ASCC3: variants seen among roughly 807,000 people sequenced by gnomAD.
ASCC3 encodes the protein ASC-1 complex subunit P200.
ASCC3 carries 158 observed loss-of-function variants against 256.3 expected under a neutral mutation model. The ratio of observed to expected loss-of-function variants is 0.62; its 90% CI spans 0.54 to 0.70. The LOEUF (loss-of-function observed/expected upper bound fraction) is 0.70, where lower values mean the gene tolerates loss of function less well. Among genes scored for constraint, ASCC3 ranks in the 30% least tolerant of loss-of-function variants. ASCC3 has a pLI of 0.00. For synonymous variants in ASCC3, 948 were observed against 883.4 expected (o/e 1.07, Z -1.30); for missense variants, 2,259 against 2,626.0 (o/e 0.86, Z 3.05).
At chr6:100,797,145 T>A (rs1318706788) in intron 8 of ASCC3, among the ~76,000 whole-genome samples, 1 of 152,118 alleles carries the variant, frequency 6.6e-6, no homozygotes, top group Non-Finnish European at 1.5e-5. Context: ...TCAATGATGT[T>A]TTTTTAAAAA....
At chr6:100,547,356 GA>G (rs201239984) in intron 36 of ASCC3, among the ~76,000 whole-genome samples, 1 of 151,100 alleles carries the variant, frequency 6.6e-6, no homozygotes, top group Non-Finnish European at 1.5e-5. Context: ...ACCCATACAA[GA>G]AAAAAAATGA....
At chr6:100,752,570 T>C (rs549530851) in intron 10 of ASCC3, among the ~76,000 whole-genome samples, 10 of 152,292 alleles carry the variant, frequency 6.6e-5, no homozygotes, top group Admixed American at 6.5e-5. Context: ...TGTCATCCTA[T>C]GTGCTCAGAT....
rs572922198 is a variant in ASCC3, at chr6:100,543,604, C to T, written c.5551-3217G>A. Among the ~76,000 whole-genome samples the T allele has an allele frequency of 3.3e-3, 501 of 152,008 alleles. 2 individuals are homozygous for T. The highest frequency in any genetic ancestry group is 6.8e-3 in the Middle Eastern group (2 of 292). ...TACATTTCAGAGCAAAGATTATCAT[C>T]ATGGATAAAGACGGTAACTTCATTA... is the stretch of plus-strand genomic sequence containing the variant. On this transcript the variant is annotated intron_variant, in intron 36 of 41. Transcript: ENST00000369162.
intron 10 of ASCC3, among the ~76,000 whole-genome samples, chr6:100,734,890 A>T (rs1203738865): frequency 6.6e-6 from 1 of 152,164 alleles, no homozygotes; most frequent in East Asian, 1.9e-4. Flanking sequence ...ACAGAATATC[A>T]CCTTTTACTT....
intron 10 of ASCC3, among the ~76,000 whole-genome samples, chr6:100,757,586 GAA>G (rs1562275651): frequency 7.4e-4 from 1 of 1,358 alleles, no homozygotes; most frequent in Non-Finnish European, 8.9e-3. Context: ...ACAAACCACA[GAA>G]GAAGTTTATA....
intron 1 of ASCC3, among the ~76,000 whole-genome samples, chr6:100,876,922 G>C (rs1774028831): frequency 1.3e-5 from 2 of 152,012 alleles, no homozygotes; most frequent in South Asian, 4.1e-4. Context: ...TTCCAAATAA[G>C]GAGAAAACTA....
Position 100,867,932 on chromosome 6 carries a change from A to G in ASCC3, c.66T>C (p.Tyr22=), listed in dbSNP as rs1377772385. 1.2e-6 allele frequency: 2 copies of G among 1,613,640 alleles called. No homozygotes were observed. The highest frequency in any genetic ancestry group is 1.1e-5 in the South Asian group (1 of 91,058). ...SFSNVTKQDN[Y]NEEVADLKIK... is the part of the protein sequence containing the mutation. Reference sequence around the variant, plus strand: ...CCTTTAAGTCAGCCACTTCTTCATTATAATTATCTTGCTTGGTGACATTTG... The same window carrying G: ...CCTTTAAGTCAGCCACTTCTTCATTGTAATTATCTTGCTTGGTGACATTTG... Residue 22 remains tyrosine (Y), a synonymous_variant, in exon 2 of 42, where the codon TAT becomes TAC. Transcript: ENST00000369162.
At chr6:100,669,281 T>C (rs1253290379) in intron 14 of ASCC3, among the ~76,000 whole-genome samples, 1 of 149,312 alleles carries the variant, frequency 6.7e-6, no homozygotes, top group Non-Finnish European at 1.5e-5. Context: ...ATCTTTACTA[T>C]AAAAATATAT....
intron 30 of ASCC3, among the ~76,000 whole-genome samples, chr6:100,622,388 C>T (rs1774002072): frequency 6.6e-6 from 1 of 152,108 alleles, no homozygotes. Context: ...TTTTGCTCAG[C>T]ACTTCCACTA....
intron 13 of ASCC3, among the ~76,000 whole-genome samples, chr6:100,690,136 T>C (rs1582702829): frequency 6.6e-6 from 1 of 152,138 alleles, no homozygotes; most frequent in Admixed American, 6.6e-5. Flanking sequence ...TATAAAATGG[T>C]GTAGTATTTG....
chr6:100,835,004 T>G, intron 4 of ASCC3, among the ~76,000 whole-genome samples: 1 of 151,918 alleles, frequency 6.6e-6, no homozygotes, highest in East Asian at 1.9e-4. Context: ...AATTCTCGAA[T>G]CTGGCTGAGT....
At chr6:100,810,168 C>T (rs970316852) in intron 4 of ASCC3, among the ~76,000 whole-genome samples, 1 of 152,056 alleles carries the variant, frequency 6.6e-6, no homozygotes, top group African/African-American at 2.4e-5. Flanking sequence ...CATTGAATGA[C>T]ACCAATCCAT....
At position 100,642,612 on chromosome 6, in the gene ASCC3, T is replaced by TA; in HGVS notation, c.3869dup (p.Ile1291AsnfsTer26). ...GAGGAGGATGTCTCTCTGGTAGAAT[T>TA]AGATGTTGAAAGTTGATAATACATA... On this transcript the variant is annotated frameshift_variant, in exon 24 of 42. Coordinates refer to ENST00000369162, the MANE Select transcript of ASCC3 (RefSeq NM_006828.4). LOFTEE classifies it high-confidence loss of function. The TA allele has an allele frequency of 6.2e-7, 1 of 1,613,946 alleles. No individual in the cohort carries two copies. Among genetic ancestry groups the TA allele is most frequent in the Non-Finnish European group, 8.5e-7 (1 of 1,179,902 alleles).
intron 10 of ASCC3, among the ~76,000 whole-genome samples, chr6:100,753,107 A>G (rs1582810921): frequency 6.6e-6 from 1 of 152,070 alleles, no homozygotes; most frequent in Non-Finnish European, 1.5e-5. Context: ...TACCAATCAA[A>G]AACTTTGAAG....
At chr6:100,741,057 T>C (rs1780412688) in intron 10 of ASCC3, among the ~76,000 whole-genome samples, 1 of 152,224 alleles carries the variant, frequency 6.6e-6, no homozygotes, top group African/African-American at 2.4e-5. Context: ...TCTTCAAGAG[T>C]TCTTGCAAGG....
chr6:100,568,701 C>T (rs1450527353), intron 36 of ASCC3, among the ~76,000 whole-genome samples: 5 of 150,608 alleles, frequency 3.3e-5, no homozygotes, highest in Non-Finnish European at 7.4e-5. Flanking sequence ...TTAATTAAGT[C>T]TCACTTGTCA....
chr6:100,782,607 T>G (rs1268792106), intron 8 of ASCC3, among the ~76,000 whole-genome samples: 1 of 152,182 alleles, frequency 6.6e-6, no homozygotes, highest in Non-Finnish European at 1.5e-5. Context: ...ATAAGATTAT[T>G]TATCACAAAT....
chr6:100,654,154 A>G (rs1220510953), intron 17 of ASCC3, among the ~76,000 whole-genome samples: 4 of 152,128 alleles, frequency 2.6e-5, no homozygotes, highest in East Asian at 1.9e-4. Context: ...GAGTGATAAT[A>G]TATGTATCAG....
At chr6:100,530,005 T>C (rs1049704874) in intron 37 of ASCC3, among the ~76,000 whole-genome samples, 1 of 152,120 alleles carries the variant, frequency 6.6e-6, no homozygotes, top group African/African-American at 2.4e-5. Flanking sequence ...TTTTTTCTTT[T>C]TTGGTAGGAG....
Sources: allele counts gnomAD v4.1 joint callset (sites outside exome capture counted in the v4.1 genomes callset), GRCh38; gene constraint gnomAD v4.1.1; transcripts MANE v1.5; gene names NCBI Gene and HGNC (gene_info 2026-07-23, HGNC 2026-07-21).